The following ZBTB7A variants were observed in gnomAD, a reference collection of about 807,000 sequenced individuals.
ZBTB7A encodes zinc finger and BTB domain containing 7A, also known as zinc finger and BTB domain-containing protein 7A.
ZBTB7A carries 7 observed loss-of-function variants against 26.7 expected under a neutral mutation model. The ratio of observed to expected loss-of-function variants is 0.26; its 90% CI spans 0.15 to 0.49. The LOEUF (loss-of-function observed/expected upper bound fraction) is 0.49, where lower values mean the gene tolerates loss of function less well. Ranked by LOEUF, ZBTB7A falls within the 20% of genes least tolerant of loss-of-function variation. ZBTB7A has a pLI of 0.98. For missense variants in ZBTB7A, 617 were observed against 919.5 expected (o/e 0.67, Z 4.25); for synonymous variants, 452 against 441.0 (o/e 1.02, Z -0.31).
chr19:4,052,229 G>A lies in ZBTB7A; in HGVS notation c.1262+1742C>T, dbSNP rs2040511366. Among the ~76,000 whole-genome samples the A allele has an allele frequency of 6.6e-6, 1 of 152,098 alleles. No homozygotes were observed. The highest frequency in any genetic ancestry group is 2.4e-5 in the African/African-American group (1 of 41,424). ...CCTGCGGCCAGGGAGGCAGGGTGGG[G>A]GTCACCACCTTCGCTCAGCCTGGTC... is the stretch of plus-strand genomic sequence containing the variant. On this transcript the variant is annotated intron_variant, in intron 2 of 2. Transcript: ENST00000322357. The surrounding 1 kb of genome is among the most constrained non-coding windows in gnomAD (Gnocchi z 4.9).
At chr19:4,061,348 C>T (rs1468298496) in intron 1 of ZBTB7A, among the ~76,000 whole-genome samples, 2 of 148,850 alleles carry the variant, frequency 1.3e-5, no homozygotes, top group African/African-American at 2.4e-5. Context: ...GGTGCGGCTG[C>T]CAGGCCCGCA....
At chr19:4,049,168 G>GTGTGTGTATATA (rs1403864466) in intron 2 of ZBTB7A, among the ~76,000 whole-genome samples, 2 of 14,954 alleles carry the variant, frequency 1.3e-4, no homozygotes, top group Non-Finnish European at 2.3e-4. Context: ...GTGTGTGTGT[G>GTGTGTGTATATA]TATATATATA....
Position 4,052,592 on chromosome 19 carries a change from G to T in ZBTB7A, c.1262+1379C>A, listed in dbSNP as rs1166975153. Among the ~76,000 whole-genome samples the T allele has an allele frequency of 6.6e-6, 1 of 152,074 alleles. No homozygotes were observed. The highest frequency in any genetic ancestry group is 6.5e-5 in the Admixed American group (1 of 15,278). On this transcript the variant is annotated intron_variant, in intron 2 of 2. Transcript: ENST00000322357. This position sits in a 1 kb window ranked among gnomAD's most constrained non-coding sequence, Gnocchi z 4.9. ...ACAATGGCCTCTTTCTTCAGCCTCG[G>T]TGGGCGTGGCTGGGGGAACCCCAGG...
intron 1 of ZBTB7A, among the ~76,000 whole-genome samples, chr19:4,058,597 C>T (rs1220929377): frequency 3.9e-5 from 6 of 152,182 alleles, no homozygotes; most frequent in Non-Finnish European, 8.8e-5. Flanking sequence ...CGGCCGGTGG[C>T]TCTCGGGCCA....
chr19:4,043,444 A>C lies in ZBTB7A; in HGVS notation c.*4308T>G, dbSNP rs1599241317. Among the ~76,000 whole-genome samples, 1 of 121,424 alleles carries C rather than the reference A, an allele frequency of 8.2e-6. No homozygotes were observed. Among genetic ancestry groups the C allele is most frequent in the Admixed American group, 9.3e-5 (1 of 10,728 alleles). 79.7% of individuals were successfully genotyped at this position (121,424 alleles called of 152,430 possible). The stretch of plus-strand genomic sequence containing the variant: ...CTCCCTCCCCACTCCCAAAAAGTGC[A>C]TTTTTATCAGTTTTTTTTTTTTTTA... On this transcript the variant is annotated 3_prime_UTR_variant, in exon 3 of 3. Transcript: ENST00000322357.
Position 4,054,598 on chromosome 19 carries a change from CCCGCGGCCACGGCGGCCACAG to C in ZBTB7A, c.614_634del (p.Ala205_Ala211del). The C allele has an allele frequency of 6.3e-7, 1 of 1,575,906 alleles. No individual in the cohort carries two copies. The highest frequency in any genetic ancestry group is 8.6e-7 in the Non-Finnish European group (1 of 1,166,910). ...ATAGAAGTCTAAGCCGTTGCAGTCG[CCCGCGGCCACGGCGGCCACAG>C]CGGCGGCCACGGCCTCCTTGGTGGC... On this transcript the variant is annotated inframe_deletion, in exon 2 of 3. Coordinates refer to ENST00000322357, the MANE Select transcript of ZBTB7A (RefSeq NM_015898.4).
chr19:4,063,749 G>A (rs1411399113), intron 1 of ZBTB7A, among the ~76,000 whole-genome samples: 1 of 152,196 alleles, frequency 6.6e-6, no homozygotes, highest in Non-Finnish European at 1.5e-5. Context: ...CAGGCCCCGA[G>A]CTGGAAGGAT....
rs1294979202 is a variant in ZBTB7A at position 4,045,688 on chromosome 19, C to T, written c.*2064G>A. Reference sequence around the variant, plus strand: ...GACAAGAAGTCTCAGTGCAGCAGAGCGTCTATTTTCGGGGTCCCATGCTAG... The same window carrying T: ...GACAAGAAGTCTCAGTGCAGCAGAGTGTCTATTTTCGGGGTCCCATGCTAG... On this transcript the variant is annotated 3_prime_UTR_variant, in exon 3 of 3. Coordinates refer to ENST00000322357, the MANE Select transcript of ZBTB7A (RefSeq NM_015898.4). This position sits in a 1 kb window ranked among gnomAD's most constrained non-coding sequence, Gnocchi z 4.1. The T allele has an allele frequency of 2.6e-6, 1 of 387,856 alleles. No individual in the cohort carries two copies. Among genetic ancestry groups the T allele is most frequent in the Non-Finnish European group, 4.6e-6 (1 of 219,718 alleles). The allele number at this position is 387,856 out of a possible 1,614,324, so 24.0% of individuals were successfully genotyped here. A position where few individuals can be genotyped will look rare whatever the true frequency, so the allele number is the denominator to read the frequency against.
rs998912821 is a variant in ZBTB7A, at chr19:4,054,760, T to C, written c.473A>G (p.Lys158Arg). ...GCTCTGGAAGAACTCGAGGTACTCC[T>C]TGGCGCGGAGGAGGTTGCGCTGATC... ...QIDQRNLLRA[K>R]EYLEFFQSNP... The change falls in exon 2 of 3, where the codon AAG becomes AGG. Residue 158 changes from lysine (K) to arginine (R), a missense_variant. Physicochemically the swap from Lys to Arg is conservative, Grantham distance 26 (BLOSUM62 2). Coordinates refer to ENST00000322357, the MANE Select transcript of ZBTB7A (RefSeq NM_015898.4). The C allele has an allele frequency of 6.4e-7, 1 of 1,572,420 alleles. No homozygotes were observed. Among genetic ancestry groups the C allele is most frequent in the Non-Finnish European group, 8.6e-7 (1 of 1,158,420 alleles).
chr19:4,044,018 C>T lies in ZBTB7A; in HGVS notation c.*3734G>A, dbSNP rs965366923. Among the ~76,000 whole-genome samples the T allele has an allele frequency of 2.3e-4, 35 of 151,970 alleles. No individual in the cohort carries two copies. The highest frequency in any genetic ancestry group is 8.4e-4 in the African/African-American group (35 of 41,436). On this transcript the variant is annotated 3_prime_UTR_variant, in exon 3 of 3. Transcript: ENST00000322357. The stretch of plus-strand genomic sequence containing the variant: ...TTCATTCTCTCTGTCTTGCCTCCAA[C>T]CATTCTGGTTGCCGGGCGGGAGGGG...
chr19:4,059,932 G>A (rs976157720), intron 1 of ZBTB7A, among the ~76,000 whole-genome samples: 8 of 152,126 alleles, frequency 5.3e-5, no homozygotes, highest in Admixed American at 2.0e-4. Context: ...CCCGACACAC[G>A]GTACACGCCT....
intron 1 of ZBTB7A, 73 bp from the exon 2 acceptor site, chr19:4,055,320 C>G (rs953761771): frequency 6.3e-6 from 9 of 1,421,544 alleles, no homozygotes; most frequent in Middle Eastern, 2.1e-4. Context: ...GACAAGGGCC[C>G]GAGGCCCTTG....
chr19:4,050,629 C>T (rs2040492921), intron 2 of ZBTB7A, among the ~76,000 whole-genome samples: 2 of 152,114 alleles, frequency 1.3e-5, no homozygotes, highest in Admixed American at 1.3e-4. Context: ...CAAAAGGTAC[C>T]CCAGCTTTTG....
At chr19:4,057,921 C>A (rs1216768860) in intron 1 of ZBTB7A, among the ~76,000 whole-genome samples, 1 of 152,206 alleles carries the variant, frequency 6.6e-6, no homozygotes, top group African/African-American at 2.4e-5. Context: ...ACAGTTGCGT[C>A]CAAACTCAAA....
chr19:4,056,433 A>C (rs1467180421), intron 1 of ZBTB7A, among the ~76,000 whole-genome samples: 5 of 152,212 alleles, frequency 3.3e-5, no homozygotes, highest in Non-Finnish European at 2.9e-5. Flanking sequence ...GCCTGTTGAA[A>C]GGGCACTTTG....
chr19:4,063,617 C>T (rs1397497645), intron 1 of ZBTB7A, among the ~76,000 whole-genome samples: 2 of 152,194 alleles, frequency 1.3e-5, no homozygotes, highest in South Asian at 2.1e-4. Flanking sequence ...TAATAAGCCT[C>T]GGTGACACTC....
At chr19:4,055,806 G>C (rs1321739644) in intron 1 of ZBTB7A, among the ~76,000 whole-genome samples, 2 of 152,118 alleles carry the variant, frequency 1.3e-5, no homozygotes, top group South Asian at 2.1e-4. Context: ...CTGGGCAACA[G>C]AGCAAGACTC....
At chr19:4,053,439 G>A (rs1354312059) in intron 2 of ZBTB7A, among the ~76,000 whole-genome samples, 2 of 152,142 alleles carry the variant, frequency 1.3e-5, no homozygotes, top group African/African-American at 4.8e-5. Context: ...GCGCATGTAC[G>A]TGTCTGTGTG....
chr19:4,047,356 G>A lies in ZBTB7A; in HGVS notation c.*396C>T, dbSNP rs2040433467. On this transcript the variant is annotated 3_prime_UTR_variant, in exon 3 of 3. Coordinates refer to ENST00000322357, the MANE Select transcript of ZBTB7A (RefSeq NM_015898.4). ...CCCAGTCCCCCCCCAGCGCCCCCAC[G>A]TCTACCCTCCCCCCAGCCCAGGGCC... The A allele has an allele frequency of 6.7e-6, 1 of 150,034 alleles. No homozygotes were observed. The highest frequency in any genetic ancestry group is 1.5e-5 in the Non-Finnish European group (1 of 67,374). 9.3% of individuals were successfully genotyped at this position (150,034 alleles called of 1,614,324 possible). A position where few individuals can be genotyped will look rare whatever the true frequency, so the allele number is the denominator to read the frequency against.
Sources: gnomAD v4.1 joint callset for allele counts (sites outside exome capture counted in the v4.1 genomes callset) on GRCh38, gnomAD v4.1.1 for gene constraint, Gnocchi (gnomAD v3.1) non-coding constraint, MANE v1.5 for transcripts, NCBI Gene and HGNC (gene_info 2026-07-23, HGNC 2026-07-21) for gene names.